Variants in SNX9 observed in about 807,000 individuals in gnomAD.
SNX9 encodes sorting nexin-9.
A neutral mutation model predicts 89.4 loss-of-function variants in SNX9; 44 were observed. The ratio of observed to expected loss-of-function variants is 0.49; its 90% CI spans 0.39 to 0.63. The LOEUF (loss-of-function observed/expected upper bound fraction) is 0.63. Ranked by LOEUF, SNX9 falls within the 30% of genes least tolerant of loss-of-function variation. The pLI, the probability that SNX9 is intolerant of heterozygous loss-of-function variation, is 0.00. For synonymous variants in SNX9, 236 were observed against 247.8 expected, an observed-to-expected ratio of 0.95 and a Z score of 0.45; for missense variants, 578 against 736.1, an observed-to-expected ratio of 0.79 and a Z score of 2.49.
At chr6:157,872,501 A>AC (rs1303297718) in intron 2 of SNX9, 8 of 152,170 alleles carry the variant, frequency 5.3e-5, no homozygotes, top group African/African-American at 1.9e-4. Flanking sequence ...CAATCACTGG[A>AC]CCCTGCTGGG....
intron 4 of SNX9, among the ~76,000 whole-genome samples, chr6:157,883,218 GAT>G (rs953124986): frequency 2.0e-5 from 3 of 152,272 alleles, no homozygotes; most frequent in Non-Finnish European, 2.9e-5. Flanking sequence ...TTTTAATTAA[GAT>G]ATGTATTTTT....
intron 1 of SNX9, among the ~76,000 whole-genome samples, chr6:157,837,855 A>C (rs1256034201): frequency 6.6e-6 from 1 of 152,232 alleles, no homozygotes; most frequent in Non-Finnish European, 1.5e-5. Context: ...ACTGAACTGC[A>C]CTGTTCAGTT....
intron 10 of SNX9, among the ~76,000 whole-genome samples, chr6:157,925,774 G>GT (rs1287199016): frequency 6.6e-6 from 1 of 152,026 alleles, no homozygotes; most frequent in Non-Finnish European, 1.5e-5. Context: ...ATGCGTAGGT[G>GT]GTAAAACTCT....
intron 1 of SNX9, among the ~76,000 whole-genome samples, chr6:157,856,133 C>T (rs1042553504): frequency 2.0e-5 from 3 of 152,230 alleles, no homozygotes; most frequent in Admixed American, 6.5e-5. Context: ...CTCCCATTCT[C>T]CCTGTAAAAG....
intron 2 of SNX9, among the ~76,000 whole-genome samples, chr6:157,868,420 G>A (rs552929418): frequency 1.6e-4 from 24 of 152,290 alleles, no homozygotes; most frequent in African/African-American, 5.5e-4. Flanking sequence ...TCCCAGAGAA[G>A]CATCTATGTG....
rs531966431 is a variant in SNX9, at chr6:157,919,813, G to A, written c.950-1718G>A. ...TCTCTTAATTTTTTGTTGAAAACTG[G>A]ACATTTTTGAGAATATATTTTAGCA... On this transcript the variant is annotated intron_variant, in intron 9 of 17. Coordinates refer to ENST00000392185, the MANE Select transcript of SNX9 (RefSeq NM_016224.5). Among the ~76,000 whole-genome samples, 5 of 152,132 alleles carry A rather than the reference G, an allele frequency of 3.3e-5. No individual in the cohort carries two copies. In the East Asian group the frequency reaches 9.7e-4, roughly 29 times the overall value.
rs1583185904 is a variant in SNX9 at position 157,827,442 on chromosome 6, A to ATTATAGTTTATATAATATATAAAC, written c.12+4045_12+4068dup. 8.0e-4 allele frequency among the ~76,000 whole-genome samples: 5 copies of ATTATAGTTTATATAATATATAAAC among 6,232 alleles called. 2 individuals are homozygous for ATTATAGTTTATATAATATATAAAC. The highest frequency in any genetic ancestry group is 1.1e-3 in the Non-Finnish European group (5 of 4,508). The allele number at this position is 6,232 out of a possible 152,430, so 4.1% of individuals were successfully genotyped here. A position where few individuals can be genotyped will look rare whatever the true frequency, so the allele number is the denominator to read the frequency against. ...TAGTTTATATAATATATAAACATAT[A>ATTATAGTTTATATAATATATAAAC]TTATAGTTTATATAATATATAAACT... On this transcript the variant is annotated intron_variant, in intron 1 of 17. Coordinates refer to ENST00000392185, the MANE Select transcript of SNX9 (RefSeq NM_016224.5).
chr6:157,896,973 C>T lies in SNX9; in HGVS notation c.447C>T (p.Gly149=), dbSNP rs779316803. 23 of 1,609,044 alleles carry T rather than the reference C, an allele frequency of 1.4e-5. No homozygotes were observed. The highest frequency in any genetic ancestry group is 2.0e-5 in the Non-Finnish European group (23 of 1,178,500). ...NTPNNWDTAF[G]HPQAYQGPAT... is the part of the protein sequence containing the mutation. ...CCAACAACTGGGACACTGCCTTCGGCCACCCCCAGGCCTACCAAGGACCAG... is the reference window on the plus strand; with the variant it reads ...CCAACAACTGGGACACTGCCTTCGGTCACCCCCAGGCCTACCAAGGACCAG... The change falls in exon 5 of 18, where the codon GGC becomes GGT. Residue 149 remains glycine (G), a synonymous_variant. Transcript: ENST00000392185.
intron 1 of SNX9, among the ~76,000 whole-genome samples, chr6:157,840,244 G>T (rs2115112552): frequency 6.6e-6 from 1 of 151,956 alleles, no homozygotes; most frequent in South Asian, 2.1e-4. Flanking sequence ...CCCTCAGGCT[G>T]GTGCTTGCAC....
intron 1 of SNX9, among the ~76,000 whole-genome samples, chr6:157,831,291 T>G (rs551079116): frequency 2.0e-5 from 3 of 152,240 alleles, no homozygotes; most frequent in Non-Finnish European, 4.4e-5. Context: ...AGATTGAGGT[T>G]GTATCCTTCC....
At position 157,856,939 on chromosome 6, in the gene SNX9, T is replaced by G. The variant is rs573059965; in HGVS notation, c.13-10608T>G. Among the ~76,000 whole-genome samples, 3 of 152,344 alleles carry G rather than the reference T, an allele frequency of 2.0e-5. No homozygotes were observed. The East Asian group carries it at 5.8e-4, about 29-fold the overall frequency. ...TCTTTGGGGATTGAAAAAAATGATC[T>G]CATTCTATTATTCCTTCATTTATCA... is the stretch of plus-strand genomic sequence containing the variant. On this transcript the variant is annotated intron_variant, in intron 1 of 17. Coordinates refer to ENST00000392185, the MANE Select transcript of SNX9 (RefSeq NM_016224.5).
chr6:157,886,421 T>C (rs1782737258), intron 4 of SNX9, among the ~76,000 whole-genome samples: 1 of 152,230 alleles, frequency 6.6e-6, no homozygotes, highest in African/African-American at 2.4e-5. Flanking sequence ...AAGCAGTACA[T>C]ATGCATTGTA....
intron 1 of SNX9, among the ~76,000 whole-genome samples, chr6:157,840,297 C>T (rs1279446699): frequency 6.6e-6 from 1 of 152,166 alleles, no homozygotes; most frequent in Admixed American, 6.5e-5. Context: ...AGGGGCTGCT[C>T]CCCAGGCTGA....
intron 2 of SNX9, among the ~76,000 whole-genome samples, chr6:157,871,191 G>A (rs529013797): frequency 6.6e-6 from 1 of 152,216 alleles, no homozygotes; most frequent in South Asian, 2.1e-4. Context: ...ACCAGCCTTA[G>A]TAACATGGCA....
In SNX9 at chr6:157,907,445, C is replaced by A. The variant is rs146181775; in HGVS notation, c.705+1233C>A. Among the ~76,000 whole-genome samples, 61 of 152,260 alleles carry A rather than the reference C, an allele frequency of 4.0e-4. No homozygotes were observed. The East Asian group carries it at 9.9e-3, about 25-fold the overall frequency. Reference sequence around the variant, plus strand: ...TACAGGCATGCACCACCACGCCTAGCTAATTTTTTTTGTATTTTATAGTAG... The same window carrying A: ...TACAGGCATGCACCACCACGCCTAGATAATTTTTTTTGTATTTTATAGTAG... On this transcript the variant is annotated intron_variant, in intron 7 of 17. Coordinates refer to ENST00000392185, the MANE Select transcript of SNX9 (RefSeq NM_016224.5).
intron 1 of SNX9, among the ~76,000 whole-genome samples, chr6:157,851,594 GT>G (rs1219584633): frequency 6.6e-6 from 1 of 152,130 alleles, no homozygotes; most frequent in Non-Finnish European, 1.5e-5. Context: ...TATATTCGTT[GT>G]TTTTTTCTTT....
intron 4 of SNX9, among the ~76,000 whole-genome samples, chr6:157,887,834 T>A (rs879907341): frequency 2.0e-5 from 3 of 152,194 alleles, no homozygotes; most frequent in Non-Finnish European, 4.4e-5. Context: ...CTGAAAAGGA[T>A]GCTGTCGTCC....
chr6:157,928,476 T>A (rs759324676), intron 11 of SNX9, 123 bp from the exon 12 acceptor site: 237 of 709,096 alleles, frequency 3.3e-4, no homozygotes, highest in Non-Finnish European at 5.3e-4. Context: ...TAAGGCTAAC[T>A]TAGTGAAAGG....
intron 2 of SNX9, among the ~76,000 whole-genome samples, chr6:157,870,044 TCA>T (rs962850620): frequency 3.3e-5 from 5 of 150,380 alleles, no homozygotes; most frequent in Non-Finnish European, 7.4e-5. Context: ...TAGGCAGCAC[TCA>T]CACGTGTGAG....
Sources: gnomAD v4.1 joint callset for allele counts (sites outside exome capture counted in the v4.1 genomes callset) on GRCh38, gnomAD v4.1.1 for gene constraint, MANE v1.5 for transcripts, NCBI Gene and HGNC (gene_info 2026-07-23, HGNC 2026-07-21) for gene names.